Variants in SERTAD2 observed in about 807,000 individuals in gnomAD.
The protein encoded by SERTAD2 is SERTA domain containing 2.
In SERTAD2, 2 loss-of-function variants were observed where a neutral mutation model predicts 15.4. The observed-to-expected ratio is 0.13, with a 90% CI of 0.05 to 0.41. The LOEUF (loss-of-function observed/expected upper bound fraction) is 0.41. Ranked by LOEUF, SERTAD2 falls within the 10% of genes least tolerant of loss-of-function variation. SERTAD2 has a pLI of 0.99. For synonymous variants in SERTAD2, 180 were observed against 178.0 expected, an observed-to-expected ratio of 1.01 and a Z score of -0.09; for missense variants, 333 against 409.7, an observed-to-expected ratio of 0.81 and a Z score of 1.62.
Position 64,634,269 on chromosome 2 carries a change from T to C in SERTAD2, c.*1658A>G, listed in dbSNP as rs1573079541. On this transcript the variant is annotated 3_prime_UTR_variant, in exon 2 of 2. Transcript: ENST00000313349. ...AGAAAAAACTGAAACAAGAAGGCCA[T>C]AAACAGTTTCGGCAACAAGCATGAT... The C allele has an allele frequency of 6.6e-6, 1 of 151,402 alleles. No homozygotes were observed. The highest frequency in any genetic ancestry group is 2.1e-4 in the South Asian group (1 of 4,828). The allele number at this position is 151,402 out of a possible 1,614,324, so 9.4% of individuals were successfully genotyped here.
In SERTAD2 at chr2:64,636,458, G is replaced by A. The variant is rs775002705; in HGVS notation, c.414C>T (p.Asp138=). The A allele has an allele frequency of 3.8e-5, 61 of 1,613,968 alleles. No homozygotes were observed. The Middle Eastern group carries it at 8.2e-4, about 22-fold the overall frequency. The change falls in exon 2 of 2, where the codon GAC becomes GAT. Residue 138 remains aspartate (D), a synonymous_variant. Transcript: ENST00000313349. ...GGGAGGTGCAAAACGTGTCATCGTC[G>A]TCCTCGAGCAGTGAGGCCGGGGTGA... is the stretch of plus-strand genomic sequence containing the variant. ...ACLTPASLLE[D]DDDTFCTSQA... is the part of the protein sequence containing the mutation.
intron 1 of SERTAD2, among the ~76,000 whole-genome samples, chr2:64,651,673 CAG>C (rs1354477505): frequency 1.3e-5 from 2 of 152,228 alleles, no homozygotes; most frequent in Non-Finnish European, 2.9e-5. Context: ...ATTCAGCAAA[CAG>C]AAGTGTAAAG....
intron 1 of SERTAD2, among the ~76,000 whole-genome samples, chr2:64,639,842 T>C (rs1674733016): frequency 6.6e-6 from 1 of 152,234 alleles, no homozygotes; most frequent in East Asian, 1.9e-4. Flanking sequence ...ATTAGAATGA[T>C]CCAGCTGGCC....
In SERTAD2 at chr2:64,632,982, C is replaced by T. The variant is rs1051750435; in HGVS notation, c.*2945G>A. On this transcript the variant is annotated 3_prime_UTR_variant, in exon 2 of 2. Transcript: ENST00000313349. Reference sequence around the variant, plus strand: ...AATAACTGTCCTCTCCCAGCCCCAGCTCGGTTTTCTCGTAAAGGCACCTCA... The same window carrying T: ...AATAACTGTCCTCTCCCAGCCCCAGTTCGGTTTTCTCGTAAAGGCACCTCA... 2.0e-5 allele frequency: 3 copies of T among 152,644 alleles called. No homozygotes were observed. The highest frequency in any genetic ancestry group is 6.5e-5 in the Admixed American group (1 of 15,286). The allele number at this position is 152,644 out of a possible 1,614,324, so 9.5% of individuals were successfully genotyped here.
intron 1 of SERTAD2, among the ~76,000 whole-genome samples, chr2:64,642,193 C>T (rs780134076): frequency 5.9e-5 from 9 of 152,312 alleles, no homozygotes; most frequent in Middle Eastern, 3.4e-3. Context: ...AAATACTGCA[C>T]GCAGAGTTAA....
intron 1 of SERTAD2, among the ~76,000 whole-genome samples, chr2:64,642,072 T>C (rs369074102): frequency 6.5e-4 from 99 of 152,376 alleles, no homozygotes; most frequent in African/African-American, 2.3e-3. Context: ...GATATCTTTA[T>C]TCAGTTAATC....
chr2:64,636,892 G>T lies in SERTAD2; in HGVS notation c.-4-17C>A. ...AACATATATCTGCAGAGGGGAGAGA[G>T]AGGAAATGGCATTAATCACATGAAA... is the stretch of plus-strand genomic sequence containing the variant. On this transcript the variant is annotated splice_polypyrimidine_tract_variant and intron_variant, in intron 1 of 1. Transcript: ENST00000313349. The T allele has an allele frequency of 1.3e-6, 2 of 1,539,008 alleles. No individual in the cohort carries two copies. The highest frequency in any genetic ancestry group is 8.9e-7 in the Non-Finnish European group (1 of 1,123,588).
intron 1 of SERTAD2, among the ~76,000 whole-genome samples, chr2:64,637,269 C>T (rs1674681178): frequency 6.6e-6 from 1 of 152,108 alleles, no homozygotes; most frequent in African/African-American, 2.4e-5. Context: ...TTTTTAAAGC[C>T]CAAGAAAACA....
intron 1 of SERTAD2, among the ~76,000 whole-genome samples, chr2:64,638,760 G>C (rs1387955638): frequency 1.3e-5 from 2 of 152,182 alleles, no homozygotes; most frequent in African/African-American, 4.8e-5. Flanking sequence ...GGGCAATAAA[G>C]GTTATGATAG....
chr2:64,636,834 T>C lies in SERTAD2; in HGVS notation c.38A>G (p.His13Arg), dbSNP rs1395254133. The change falls in exon 2 of 2, where the codon CAT becomes CGT. Residue 13 changes from histidine to arginine, a missense_variant. His to Arg is a conservative substitution (Grantham distance 29). Transcript: ENST00000313349. ...GATTTTGCCTTCCAGCCCATCTTCA[T>C]GCTCATCAAACTTCCGTTTTCCTCC... ...GKGGKRKFDE[H>R]EDGLEGKIVS... 6.2e-7 allele frequency: 1 copy of C among 1,613,984 alleles called. No individual in the cohort carries two copies. Among genetic ancestry groups the C allele is most frequent in the Non-Finnish European group, 8.5e-7 (1 of 1,179,872 alleles).
Position 64,635,214 on chromosome 2 carries a change from A to G in SERTAD2, c.*713T>C, listed in dbSNP as rs976927947. On this transcript the variant is annotated 3_prime_UTR_variant, in exon 2 of 2. Coordinates refer to ENST00000313349, the MANE Select transcript of SERTAD2 (RefSeq NM_014755.3). ...TCCAATTTTCTCTTGCACCATACAC[A>G]TATAAAACATTACAACTCTATAAAA... 1.3e-5 allele frequency: 2 copies of G among 152,708 alleles called. No individual in the cohort carries two copies. Among genetic ancestry groups the G allele is most frequent in the Non-Finnish European group, 2.9e-5 (2 of 68,058 alleles). The allele number at this position is 152,708 out of a possible 1,614,324, so 9.5% of individuals were successfully genotyped here.
rs1402006191 is a variant in SERTAD2 at position 64,631,978 on chromosome 2, A to G, written c.*3949T>C. ...CAACTTTTTATTGGCTTTGTCTGCA[A>G]TAGCATTTGATCCTGGCTAATTTTC... On this transcript the variant is annotated 3_prime_UTR_variant, in exon 2 of 2. Coordinates refer to ENST00000313349, the MANE Select transcript of SERTAD2 (RefSeq NM_014755.3). The G allele has an allele frequency of 6.6e-6, 1 of 152,652 alleles. No homozygotes were observed. Among genetic ancestry groups the G allele is most frequent in the Non-Finnish European group, 1.5e-5 (1 of 68,050 alleles). The allele number at this position is 152,652 out of a possible 1,614,324, so 9.5% of individuals were successfully genotyped here. A position where few individuals can be genotyped will look rare whatever the true frequency, so the allele number is the denominator to read the frequency against.
Position 64,636,221 on chromosome 2 carries a change from A to G in SERTAD2, c.651T>C (p.Asp217=), listed in dbSNP as rs761334385. Residue 217 remains aspartate, a synonymous_variant, in exon 2 of 2, where the codon GAT becomes GAC. Coordinates refer to ENST00000313349, the MANE Select transcript of SERTAD2 (RefSeq NM_014755.3). ...KLDGPQESRA[D]DSKLMDSLPG... ...GCAGAGAGTCCATCAGTTTTGAGTC[A>G]TCTGCGCGGCTCTCTTGAGGACCGT... 6.2e-6 allele frequency: 10 copies of G among 1,614,092 alleles called. No individual in the cohort carries two copies. In the East Asian group the frequency reaches 1.3e-4, roughly 22 times the overall value.
chr2:64,634,870 C>T lies in SERTAD2; in HGVS notation c.*1057G>A, dbSNP rs961409401. On this transcript the variant is annotated 3_prime_UTR_variant, in exon 2 of 2. Coordinates refer to ENST00000313349, the MANE Select transcript of SERTAD2 (RefSeq NM_014755.3). ...AAAACAAAATAAAAACAATTAAAAG[C>T]GCAAACTTGGCATAAATACACTCTT... is the stretch of plus-strand genomic sequence containing the variant. The T allele has an allele frequency of 2.6e-5, 4 of 152,656 alleles. No individual in the cohort carries two copies. The highest frequency in any genetic ancestry group is 2.1e-4 in the South Asian group (1 of 4,826). The allele number at this position is 152,656 out of a possible 1,614,324, so 9.5% of individuals were successfully genotyped here. A position where few individuals can be genotyped will look rare whatever the true frequency, so the allele number is the denominator to read the frequency against.
rs779275103 is a variant in SERTAD2, at chr2:64,636,505, T to G, written c.367A>C (p.Thr123Pro). Residue 123 changes from threonine (T) to proline (P), a missense_variant, in exon 2 of 2, where the codon ACT (threonine) becomes CCT (proline). By Grantham distance (38) the Thr-to-Pro change is conservative (BLOSUM62 -1). Around this residue, in one of 2 missense-constraint regions of SERTAD2, gnomAD observed 332 missense variants for 392.9 expected, o/e 0.84. Transcript: ENST00000313349. ...GTGAGGCAGGCCTCCAGGGGCGTAG[T>G]GCTTCCGAGGTCGCAGGGGTGGGAG... ...PSSHPCDLGS[T>P]TPLEACLTPA... 1.2e-6 allele frequency: 2 copies of G among 1,608,630 alleles called. No individual in the cohort carries two copies.
chr2:64,649,455 T>C (rs190210291), intron 1 of SERTAD2, among the ~76,000 whole-genome samples: 1 of 152,368 alleles, frequency 6.6e-6, no homozygotes, highest in East Asian at 1.9e-4. Flanking sequence ...TGAGTGTGCA[T>C]ATGGATATAC....
chr2:64,641,751 A>T (rs1389126117), intron 1 of SERTAD2, among the ~76,000 whole-genome samples: 1 of 152,076 alleles, frequency 6.6e-6, no homozygotes. Flanking sequence ...TACAGGCGGG[A>T]TCAGGGTCGC....
At chr2:64,642,043 T>C (rs1674788117) in intron 1 of SERTAD2, among the ~76,000 whole-genome samples, 1 of 152,226 alleles carries the variant, frequency 6.6e-6, no homozygotes. Context: ...CATCAGGCCA[T>C]TTCAAGTTTA....
At chr2:64,650,567 C>A (rs1674987696) in intron 1 of SERTAD2, among the ~76,000 whole-genome samples, 1 of 152,100 alleles carries the variant, frequency 6.6e-6, no homozygotes, top group Non-Finnish European at 1.5e-5. Context: ...GCACACAGGG[C>A]ATAAGTTTGC....
Sources: allele counts gnomAD v4.1 joint callset (sites outside exome capture counted in the v4.1 genomes callset), GRCh38; gene constraint gnomAD v4.1.1; regional missense constraint gnomAD v4.1.1; transcripts MANE v1.5; gene names NCBI Gene and HGNC (gene_info 2026-07-23, HGNC 2026-07-21).